The following PCNT variants were observed in gnomAD, a reference collection of about 807,000 sequenced individuals.
PCNT encodes the protein kendrin.
A neutral mutation model predicts 380.4 loss-of-function variants in PCNT; 319 were observed. That is an observed-to-expected ratio of 0.84 (90% CI 0.77 to 0.92). The LOEUF is 0.92. Among genes scored for constraint, PCNT ranks in the 40% least tolerant of loss-of-function variants. PCNT has a pLI of 0.00. For synonymous variants in PCNT, 1,845 were observed against 1,735.2 expected (o/e 1.06, Z -1.57); for missense variants, 4,400 against 4,255.3 (o/e 1.03, Z -0.95).
intron 30 of PCNT, among the ~76,000 whole-genome samples, chr21:46,417,184 C>CTTTTTTTTTTTTTT (rs71318076): frequency 1.4e-5 from 1 of 73,302 alleles, no homozygotes; most frequent in Non-Finnish European, 2.5e-5. Flanking sequence ...GGAATGCTTC[C>CTTTTTTTTTTTTTT]TTTTTTTTTT....
In PCNT at chr21:46,334,184, G is replaced by A. The variant is rs556435511; in HGVS notation, c.268-213G>A. Among the ~76,000 whole-genome samples, 17 of 144,036 alleles carry A rather than the reference G, an allele frequency of 1.2e-4. No individual in the cohort carries two copies. In the East Asian group the frequency reaches 2.3e-3, roughly 20 times the overall value. 94.5% of individuals were successfully genotyped at this position (144,036 alleles called of 152,430 possible). On this transcript the variant is annotated intron_variant, in intron 2 of 46. Transcript: ENST00000359568. Reference sequence around the variant, plus strand: ...TGTGCCACTGCACTCCAGCCTGGGCGACAGAGCAAGACTCCGTCTCAAAAA... The same window carrying A: ...TGTGCCACTGCACTCCAGCCTGGGCAACAGAGCAAGACTCCGTCTCAAAAA...
chr21:46,356,585 C>T lies in PCNT; in HGVS notation c.1937-389C>T, dbSNP rs549856861. 9.9e-4 allele frequency among the ~76,000 whole-genome samples: 151 copies of T among 152,370 alleles called. 3 individuals are homozygous for T. In the South Asian group the frequency reaches 0.018, roughly 18 times the overall value. On this transcript the variant is annotated intron_variant, in intron 12 of 46. Transcript: ENST00000359568. ...GCAGGCCCCTGAGCTCAGGCCCTGT[C>T]CTTGTGGCTGCCTCATAGACCCTGG...
chr21:46,407,533 C>T (rs1268995216), intron 27 of PCNT, among the ~76,000 whole-genome samples: 5 of 151,882 alleles, frequency 3.3e-5, no homozygotes, highest in Admixed American at 6.6e-5. Context: ...TTAGCACAGA[C>T]GGGGTTTCAC....
At chr21:46,389,929 G>A (rs958152032) in intron 19 of PCNT, among the ~76,000 whole-genome samples, 6 of 152,210 alleles carry the variant, frequency 3.9e-5, no homozygotes, top group African/African-American at 2.4e-5. Flanking sequence ...GTGGTCTGAT[G>A]TGGCCCTCCC....
chr21:46,346,074 A>G, intron 3 of PCNT, 54 bp from the exon 4 acceptor site: 2 of 1,531,150 alleles, frequency 1.3e-6, no homozygotes, highest in African/African-American at 1.4e-5. Context: ...TGAGCACATC[A>G]CTGTGGCTTC....
In PCNT at chr21:46,431,651, C is replaced by G. The variant is rs763944158; in HGVS notation, c.8187C>G (p.Cys2729Trp). 3 of 1,613,748 alleles carry G rather than the reference C, an allele frequency of 1.9e-6. No individual in the cohort carries two copies. Among genetic ancestry groups the G allele is most frequent in the Non-Finnish European group, 2.5e-6 (3 of 1,179,890 alleles). ...QKELRIEHSRCEALLAQERSQ... is the reference protein window; with the variant it reads ...QKELRIEHSRWEALLAQERSQ... The stretch of plus-strand genomic sequence containing the variant: ...AGCTGCGTATCGAGCACTCACGCTG[C>G]GAGGCCTTGCTGGCTCAGGAGCGGA... The change falls in exon 38 of 47, where the codon TGC becomes TGG. Residue 2729 changes from cysteine (C) to tryptophan (W), a missense_variant. Coordinates refer to ENST00000359568, the MANE Select transcript of PCNT (RefSeq NM_006031.6).
chr21:46,422,089 A>G lies in PCNT; in HGVS notation c.7144A>G (p.Met2382Val), dbSNP rs2147851560. 3 of 1,613,944 alleles carry G rather than the reference A, an allele frequency of 1.9e-6. No individual in the cohort carries two copies. The highest frequency in any genetic ancestry group is 2.5e-6 in the Non-Finnish European group (3 of 1,180,016). The change falls in exon 32 of 47, where the codon ATG (methionine) becomes GTG (valine). Residue 2382 changes from methionine (M) to valine (V), a missense_variant. Met to Val is a conservative substitution (Grantham distance 21). Transcript: ENST00000359568. Reference protein sequence around the residue: ...SGRFQPLPEAMKEKEVRPKHV... With the variant: ...SGRFQPLPEAVKEKEVRPKHV... ...AAGGTTTCAGCCGCTGCCGGAAGCC[A>G]TGAAGGAGAAGGAAGTGCGTCCGAA...
intron 27 of PCNT, among the ~76,000 whole-genome samples, chr21:46,402,700 G>A (rs2086469764): frequency 6.6e-6 from 1 of 152,160 alleles, no homozygotes. Context: ...AGCGACCCCT[G>A]CCCCAAACTG....
intron 3 of PCNT, among the ~76,000 whole-genome samples, chr21:46,336,189 C>G (rs149714879): frequency 6.6e-5 from 10 of 152,228 alleles, no homozygotes; most frequent in African/African-American, 1.9e-4. Flanking sequence ...ATTGGTCAGA[C>G]TGGTCTCGAA....
intron 15 of PCNT, among the ~76,000 whole-genome samples, chr21:46,380,145 ATTTTTTTTTTTTTTTT>A (rs552854585): frequency 0.01 from 613 of 59,702 alleles, 6 homozygotes; most frequent in African/African-American, 0.045. Flanking sequence ...CCTGGGGTAG[ATTTTTTTTTTTTTTTT>A]TTTTTTTTTT....
chr21:46,332,147 C>T (rs1424061318), intron 2 of PCNT, among the ~76,000 whole-genome samples: 3 of 152,086 alleles, frequency 2.0e-5, no homozygotes, highest in Non-Finnish European at 2.9e-5. Context: ...AGGACAAGAG[C>T]GAGACTTTAT....
chr21:46,429,350 C>T (rs1329455127), intron 35 of PCNT, among the ~76,000 whole-genome samples: 7 of 85,920 alleles, frequency 8.1e-5, no homozygotes, highest in Admixed American at 2.1e-4. Context: ...GCGCTGTGCA[C>T]GTGCTCGTGA....
intron 14 of PCNT, among the ~76,000 whole-genome samples, chr21:46,365,001 C>T (rs933490416): frequency 3.3e-5 from 5 of 152,248 alleles, no homozygotes; most frequent in South Asian, 2.1e-4. Flanking sequence ...CCCTCCAGCT[C>T]CAGGCTCTTT....
In PCNT at chr21:46,418,273, G is replaced by A. The variant is rs775387368; in HGVS notation, c.6991G>A (p.Gly2331Arg). ...AGAAACATTAAGTTCACCTCCTCCT[G>A]GATTAGAAGGAAAAGCTGATAGAAG... Reference protein sequence around the residue: ...SQETLSSPPPGLEGKADRSEK... With the variant: ...SQETLSSPPPRLEGKADRSEK... Residue 2331 changes from glycine (G) to arginine (R), a missense_variant, in exon 31 of 47, where the codon GGA becomes AGA. Physicochemically the swap from Gly to Arg is moderately radical, Grantham distance 125. Coordinates refer to ENST00000359568, the MANE Select transcript of PCNT (RefSeq NM_006031.6). The A allele has an allele frequency of 4.4e-6, 7 of 1,605,376 alleles. No homozygotes were observed. In the Admixed American group the frequency reaches 1.0e-4, roughly 23 times the overall value.
Position 46,388,721 on chromosome 21 carries a change from G to A in PCNT, c.3465-21G>A. On this transcript the variant is annotated intron_variant, in intron 17 of 46. Transcript: ENST00000359568. This position sits in a 1 kb window ranked among gnomAD's most constrained non-coding sequence, Gnocchi z 4.2. ...TTATGCCGTGACCAGCTTGCCTGAT[G>A]ATGGGTGTCTCCTGTCTCAGAGGGG... 1 of 1,613,320 alleles carries A rather than the reference G, an allele frequency of 6.2e-7. No individual in the cohort carries two copies. The highest frequency in any genetic ancestry group is 8.5e-7 in the Non-Finnish European group (1 of 1,179,988).
chr21:46,430,327 C>T (rs540504559), intron 36 of PCNT, 95 bp downstream of exon 36: 166 of 1,399,112 alleles, frequency 1.2e-4, no homozygotes, highest in East Asian at 3.0e-4. Context: ...TCTGGTGGGC[C>T]GCAGTTGGGC....
chr21:46,352,792 G>T (rs762089701), intron 9 of PCNT, among the ~76,000 whole-genome samples: 19 of 152,270 alleles, frequency 1.2e-4, no homozygotes, highest in Non-Finnish European at 2.4e-4. Context: ...CTCGAGGTTG[G>T]TCTGGATCCA....
At chr21:46,391,098 C>T in intron 20 of PCNT, 66 bp from the exon 21 acceptor site, 4 of 1,457,764 alleles carry the variant, frequency 2.7e-6, no homozygotes, top group Non-Finnish European at 3.8e-6. Context: ...GTCCCTTCCT[C>T]CAAGCAGGCT....
rs530426165 is a variant in PCNT, at chr21:46,369,962, C to T, written c.3165+2823C>T. 5.5e-4 allele frequency among the ~76,000 whole-genome samples: 84 copies of T among 152,248 alleles called. 1 individual carries two copies. The highest frequency in any genetic ancestry group is 1.0e-3 in the Admixed American group (16 of 15,296). On this transcript the variant is annotated intron_variant, in intron 15 of 46. Transcript: ENST00000359568. ...GCGGAGCTGGAGGAGCCGGGGGAGC[C>T]GGAGGTTCTGGGGGTGCTGGGGGAG... is the stretch of plus-strand genomic sequence containing the variant.
Sources: allele counts gnomAD v4.1 joint callset (sites outside exome capture counted in the v4.1 genomes callset), GRCh38; gene constraint gnomAD v4.1.1; non-coding constraint Gnocchi (gnomAD v3.1); transcripts MANE v1.5; gene names NCBI Gene and HGNC (gene_info 2026-07-23, HGNC 2026-07-21).